PRDM5: variants seen among roughly 807,000 people sequenced by gnomAD.
PRDM5 encodes PR/SET domain 5.
Under a neutral mutation model 81.2 loss-of-function variants are expected in PRDM5, and 56 were observed. The observed-to-expected ratio is 0.69, with a 90% CI of 0.56 to 0.86. The LOEUF (loss-of-function observed/expected upper bound fraction) is 0.86, where lower values mean the gene tolerates loss of function less well. Ranked by LOEUF, PRDM5 falls within the 40% of genes least tolerant of loss-of-function variation. The pLI is 0.00. For missense variants in PRDM5, 697 were observed against 770.1 expected, an observed-to-expected ratio of 0.91 and a Z score of 1.12; for synonymous variants, 267 against 256.4, an observed-to-expected ratio of 1.04 and a Z score of -0.39.
chr4:120,877,486 A>C (rs1762426637), intron 2 of PRDM5, among the ~76,000 whole-genome samples: 1 of 152,212 alleles, frequency 6.6e-6, no homozygotes, highest in Non-Finnish European at 1.5e-5. Flanking sequence ...TTTTAACTCC[A>C]GGCTGCTAGA....
At chr4:120,916,068 A>G (rs1724119177) in intron 1 of PRDM5, among the ~76,000 whole-genome samples, 1 of 152,186 alleles carries the variant, frequency 6.6e-6, no homozygotes, top group Non-Finnish European at 1.5e-5. Context: ...CATTCAGAAT[A>G]TGATACCAGA....
intron 2 of PRDM5, among the ~76,000 whole-genome samples, chr4:120,906,861 T>C (rs1301129955): frequency 6.6e-6 from 1 of 152,132 alleles, no homozygotes; most frequent in Non-Finnish European, 1.5e-5. Context: ...ATAATTTTAT[T>C]TACAGAAGTC....
At chr4:120,759,137 C>G (rs1043661264) in intron 13 of PRDM5, among the ~76,000 whole-genome samples, 2 of 149,508 alleles carry the variant, frequency 1.3e-5, no homozygotes, top group Non-Finnish European at 3.0e-5. Flanking sequence ...GTAAATCACT[C>G]AGAGCACCTC....
chr4:120,750,404 T>C (rs961761412), intron 14 of PRDM5, among the ~76,000 whole-genome samples: 2 of 152,058 alleles, frequency 1.3e-5, no homozygotes, highest in African/African-American at 4.8e-5. Context: ...GAGAGAAACA[T>C]GTTCTGTGGC....
chr4:120,767,239 T>C (rs1746510156), intron 13 of PRDM5, among the ~76,000 whole-genome samples: 2 of 152,190 alleles, frequency 1.3e-5, no homozygotes, highest in South Asian at 2.1e-4. Context: ...GAATGACCGT[T>C]AGTCATGAGC....
chr4:120,751,394 C>G (rs1416319674), intron 14 of PRDM5, among the ~76,000 whole-genome samples: 1 of 145,764 alleles, frequency 6.9e-6, no homozygotes, highest in Admixed American at 6.8e-5. Context: ...GCAAATGAAA[C>G]AAAAATTGAA....
chr4:120,766,969 A>G (rs2149196898), intron 13 of PRDM5, among the ~76,000 whole-genome samples: 1 of 152,312 alleles, frequency 6.6e-6, no homozygotes, highest in South Asian at 2.1e-4. Context: ...AATGGAAAAA[A>G]CAAAGTCTTG....
chr4:120,885,229 G>A (rs945728210), intron 2 of PRDM5, among the ~76,000 whole-genome samples: 13 of 150,596 alleles, frequency 8.6e-5, no homozygotes, highest in Non-Finnish European at 1.2e-4. Flanking sequence ...ACTAGGAGAA[G>A]AAGATTCTTC....
At chr4:120,695,369 T>C (rs1291324247) in intron 15 of PRDM5, 94 bp from the exon 16 acceptor site, 1 of 1,359,756 alleles carries the variant, frequency 7.4e-7, no homozygotes, top group East Asian at 2.5e-5. Context: ...AGAAAATTAA[T>C]AAGTTACTGC....
intron 3 of PRDM5, 29 bp downstream of exon 3, chr4:120,853,389 T>C (rs779506082): frequency 1.4e-5 from 22 of 1,613,328 alleles, no homozygotes; most frequent in East Asian, 1.1e-4. Flanking sequence ...TCACAGTGCA[T>C]AGTACAAATG....
intron 14 of PRDM5, among the ~76,000 whole-genome samples, chr4:120,741,108 A>C (rs1741866245): frequency 1.3e-5 from 2 of 152,080 alleles, no homozygotes; most frequent in Admixed American, 1.3e-4. Flanking sequence ...TTGCTTTTGC[A>C]TCTGTTTCCT....
At chr4:120,796,959 T>C (rs1017819016) in intron 10 of PRDM5, among the ~76,000 whole-genome samples, 7 of 152,196 alleles carry the variant, frequency 4.6e-5, no homozygotes, top group Middle Eastern at 3.2e-3. Flanking sequence ...TTGTATCTCA[T>C]GAAAATGTTT....
Position 120,888,088 on chromosome 4 carries a change from G to A in PRDM5, c.177+19386C>T, listed in dbSNP as rs1372822353. Among the ~76,000 whole-genome samples the A allele has an allele frequency of 3.0e-4, 17 of 55,760 alleles. 4 individuals carry two copies. Among genetic ancestry groups the A allele is most frequent in the South Asian group, 5.6e-4 (1 of 1,794 alleles). The allele number at this position is 55,760 out of a possible 152,430, so 36.6% of individuals were successfully genotyped here. On this transcript the variant is annotated intron_variant, in intron 2 of 15. Coordinates refer to ENST00000264808, the MANE Select transcript of PRDM5 (RefSeq NM_018699.4). ...ATTACAGGCGTGAGCCACCGCGCCC[G>A]GCCGACATTTTATCCTATTGTTGTT...
intron 2 of PRDM5, among the ~76,000 whole-genome samples, chr4:120,881,799 A>G (rs1762869458): frequency 1.3e-5 from 2 of 152,204 alleles, no homozygotes; most frequent in Admixed American, 6.5e-5. Flanking sequence ...CTTTGACTCA[A>G]TTGATCTTCC....
chr4:120,826,180 G>A (rs2100237), intron 3 of PRDM5, among the ~76,000 whole-genome samples: 39,687 of 151,860 alleles, frequency 0.26, 5,771 homozygotes, highest in Admixed American at 0.35. Context: ...TCATTCTCTT[G>A]TCCCCAAATC....
intron 3 of PRDM5, among the ~76,000 whole-genome samples, chr4:120,821,576 T>G (rs1755278013): frequency 6.6e-6 from 1 of 152,014 alleles, no homozygotes; most frequent in Non-Finnish European, 1.5e-5. Flanking sequence ...CAAATGAAAT[T>G]ATGTTCAATT....
At chr4:120,712,119 C>T (rs1408081031) in intron 14 of PRDM5, among the ~76,000 whole-genome samples, 1 of 151,962 alleles carries the variant, frequency 6.6e-6, no homozygotes, top group Non-Finnish European at 1.5e-5. Context: ...AACCCCGTCT[C>T]TACTAAAAAT....
chr4:120,853,821 G>A (rs1252725932), intron 2 of PRDM5, among the ~76,000 whole-genome samples: 1 of 152,134 alleles, frequency 6.6e-6, no homozygotes, highest in Non-Finnish European at 1.5e-5. Flanking sequence ...CGGTTTGTAA[G>A]TATATTCCAG....
intron 1 of PRDM5, among the ~76,000 whole-genome samples, chr4:120,920,464 A>G (rs984496546): frequency 2.6e-5 from 4 of 152,214 alleles, no homozygotes; most frequent in Non-Finnish European, 5.9e-5. Flanking sequence ...GTACAAGGTT[A>G]CTTGGAAAAT....
Sources: gnomAD v4.1 joint callset for allele counts (sites outside exome capture counted in the v4.1 genomes callset) on GRCh38, gnomAD v4.1.1 for gene constraint, MANE v1.5 for transcripts, NCBI Gene and HGNC (gene_info 2026-07-23, HGNC 2026-07-21) for gene names.